SYNE1: variants seen among roughly 807,000 people sequenced by gnomAD.
SYNE1 encodes the protein nesprin-1.
Under a neutral mutation model 1,111.0 loss-of-function variants are expected in SYNE1, and 616 were observed. The observed-to-expected ratio is 0.55, with a 90% confidence interval of 0.52 to 0.59. SYNE1 has a LOEUF of 0.59. Ranked by LOEUF, SYNE1 falls within the 20% of genes least tolerant of loss-of-function variation. SYNE1 has a pLI of 0.00. For synonymous variants in SYNE1, 3,855 were observed against 3,825.8 expected (o/e 1.01, Z -0.28); for missense variants, 10,006 against 10,417.0 (o/e 0.96, Z 1.72).
At chr6:152,583,397 A>T (rs1473112727) in intron 3 of SYNE1, among the ~76,000 whole-genome samples, 3 of 152,168 alleles carry the variant, frequency 2.0e-5, no homozygotes, top group South Asian at 2.1e-4. Context: ...GGGCATCATT[A>T]CCTCACTGTA....
At chr6:152,520,702 G>A (rs377700612) in intron 5 of SYNE1, among the ~76,000 whole-genome samples, 160 bp from the exon 6 acceptor site, 149 of 152,290 alleles carry the variant, frequency 9.8e-4, no homozygotes, top group African/African-American at 3.4e-3. Flanking sequence ...ATAAAGGGGT[G>A]TTCCCCATGG....
chr6:152,525,765 A>G (rs2099160753), intron 5 of SYNE1, among the ~76,000 whole-genome samples: 1 of 152,222 alleles, frequency 6.6e-6, no homozygotes, highest in Admixed American at 6.5e-5. Flanking sequence ...GTAATTTGCA[A>G]CTAATCTTCT....
At chr6:152,219,356 A>T (rs1008196278) in intron 119 of SYNE1, among the ~76,000 whole-genome samples, 171 bp from the exon 120 acceptor site, 10 of 152,216 alleles carry the variant, frequency 6.6e-5, no homozygotes, top group Non-Finnish European at 1.5e-4. Flanking sequence ...CCCATTTTTT[A>T]AAATGCTATG....
chr6:152,632,015 C>G (rs1428337373), intron 2 of SYNE1, among the ~76,000 whole-genome samples: 1 of 152,086 alleles, frequency 6.6e-6, no homozygotes, highest in Non-Finnish European at 1.5e-5. Flanking sequence ...CTAAACACAC[C>G]AACCAACACT....
In SYNE1 at chr6:152,399,694, T is replaced by C. The variant is rs767455019; in HGVS notation, c.7159A>G (p.Lys2387Glu). 1 of 1,614,170 alleles carries C rather than the reference T, an allele frequency of 6.2e-7. No individual in the cohort carries two copies. The highest frequency in any genetic ancestry group is 8.5e-7 in the Non-Finnish European group (1 of 1,180,024). The stretch of plus-strand genomic sequence containing the variant: ...AACTGGCTCACGGCTTCATGTTTCT[T>C]TATCAGACCAGTCATTGCACGGCCC... ...SLGRAMTGLI[K>E]KHEAVSQLCS... The change falls in exon 48 of 146, where the codon AAG becomes GAG. Residue 2387 changes from lysine (K) to glutamate (E), a missense_variant. Lys to Glu is a moderately conservative substitution (Grantham distance 56). Around this residue, in one of 7 missense-constraint regions of SYNE1, gnomAD observed 4,955 missense variants for 5,017.2 expected, o/e 0.99. Coordinates refer to ENST00000367255, the MANE Select transcript of SYNE1 (RefSeq NM_182961.4).
At position 152,239,684 on chromosome 6, in the gene SYNE1, G is replaced by C; in HGVS notation, c.19916C>G (p.Ser6639Cys). 6.2e-7 allele frequency: 1 copy of C among 1,614,198 alleles called. No individual in the cohort carries two copies. The highest frequency in any genetic ancestry group is 8.5e-7 in the Non-Finnish European group (1 of 1,180,032). Residue 6639 changes from serine to cysteine, a missense_variant, in exon 108 of 146, where the codon TCT (serine) becomes TGT (cysteine). Coordinates refer to ENST00000367255, the MANE Select transcript of SYNE1 (RefSeq NM_182961.4). Reference sequence around the variant, plus strand: ...GAGTGTTTCAGTCAAGATCATATGAGATTCCAGGCCCTGAAAGTATTCCTG... The same window carrying C: ...GAGTGTTTCAGTCAAGATCATATGACATTCCAGGCCCTGAAAGTATTCCTG... Reference protein sequence around the residue: ...KHKEYFQGLESHMILTETLFR... With the variant: ...KHKEYFQGLECHMILTETLFR...
intron 75 of SYNE1, among the ~76,000 whole-genome samples, chr6:152,337,425 G>A (rs1313880011): frequency 6.6e-6 from 1 of 152,144 alleles, no homozygotes; most frequent in African/African-American, 2.4e-5. Flanking sequence ...GAGTAGCTGG[G>A]ATTACAGGCT....
At chr6:152,270,959 G>A (rs1482860304) in intron 98 of SYNE1, among the ~76,000 whole-genome samples, 1 of 152,216 alleles carries the variant, frequency 6.6e-6, no homozygotes, top group Non-Finnish European at 1.5e-5. Context: ...AGAGAACAGA[G>A]CAGTGAAGAG....
intron 23 of SYNE1, 125 bp from the exon 24 acceptor site, chr6:152,455,715 T>C: frequency 7.0e-7 from 1 of 1,418,824 alleles, no homozygotes; most frequent in Non-Finnish European, 9.8e-7. Flanking sequence ...ATGGGAATAA[T>C]TAACTCTTTT....
At chr6:152,350,460 T>C (rs1168996912) in intron 71 of SYNE1, 125 bp from the exon 72 acceptor site, 6 of 1,493,314 alleles carry the variant, frequency 4.0e-6, no homozygotes, top group Non-Finnish European at 5.6e-6. Flanking sequence ...CTACCAGGAA[T>C]GGAAAACAAC....
At chr6:152,206,967 T>A (rs751852572) in intron 125 of SYNE1, among the ~76,000 whole-genome samples, 18 of 152,186 alleles carry the variant, frequency 1.2e-4, no homozygotes, top group Non-Finnish European at 2.2e-4. Flanking sequence ...AGAATATTGA[T>A]GTTGGGATTA....
chr6:152,247,856 A>T (rs1156846557), intron 105 of SYNE1, among the ~76,000 whole-genome samples: 7 of 17,886 alleles, frequency 3.9e-4, no homozygotes, highest in African/African-American at 1.8e-3. Context: ...GTGTTCTTTA[A>T]CACACACACA....
At chr6:152,224,215 T>C (rs1167920559) in intron 117 of SYNE1, among the ~76,000 whole-genome samples, 1 of 152,194 alleles carries the variant, frequency 6.6e-6, no homozygotes. Flanking sequence ...GGAGGTTCAG[T>C]TGGGCATAAA....
chr6:152,249,334 G>C, intron 104 of SYNE1, 72 bp from the exon 105 acceptor site: 1 of 887,216 alleles, frequency 1.1e-6, no homozygotes, highest in African/African-American at 1.6e-5. Flanking sequence ...ATATAACACA[G>C]ATTCTAAGAA....
intron 126 of SYNE1, among the ~76,000 whole-genome samples, chr6:152,205,504 T>C (rs557584710): frequency 1.3e-5 from 2 of 152,354 alleles, no homozygotes; most frequent in South Asian, 2.1e-4. Flanking sequence ...TGGTTTACCA[T>C]GATTTTAACT....
Position 152,537,921 on chromosome 6 carries a change from T to C in SYNE1, c.129+2039A>G, listed in dbSNP as rs142764506. On this transcript the variant is annotated intron_variant, in intron 4 of 145. Transcript: ENST00000367255. Reference sequence around the variant, plus strand: ...CTATTATTAAAGCTATATTTGGAAATGGTAAATTTAACTCATAAACGGTTT... The same window carrying C: ...CTATTATTAAAGCTATATTTGGAAACGGTAAATTTAACTCATAAACGGTTT... 2.4e-3 allele frequency among the ~76,000 whole-genome samples: 372 copies of C among 152,272 alleles called. 4 individuals carry two copies. The highest frequency in any genetic ancestry group is 0.02 in the South Asian group (98 of 4,832).
Position 152,218,288 on chromosome 6 carries a change from G to A in SYNE1, c.22160C>T (p.Ser7387Phe), listed in dbSNP as rs1055167945. Residue 7387 changes from serine (S) to phenylalanine (F), a missense_variant, in exon 121 of 146, where the codon TCC becomes TTC. Physicochemically the swap from Ser to Phe is radical, Grantham distance 155 (BLOSUM62 -2). Transcript: ENST00000367255. ...GQDPSHSSDL[S>F]TIQERMEELK... ...TTCTTCCATCCTTTCCTGGATTGTGGAGAGGTCAGATGAGTGGCTAGGGTC... is the reference window on the plus strand; with the variant it reads ...TTCTTCCATCCTTTCCTGGATTGTGAAGAGGTCAGATGAGTGGCTAGGGTC... The A allele has an allele frequency of 6.2e-7, 1 of 1,614,102 alleles. No homozygotes were observed. The highest frequency in any genetic ancestry group is 8.5e-7 in the Non-Finnish European group (1 of 1,180,006).
chr6:152,279,265 TA>T (rs1373066937), intron 97 of SYNE1, among the ~76,000 whole-genome samples: 262 of 132,924 alleles, frequency 2.0e-3, no homozygotes, highest in African/African-American at 6.0e-3. Flanking sequence ...CAAAAAAGAC[TA>T]AAAAAAAAAA....
At position 152,425,560 on chromosome 6, in the gene SYNE1, A is replaced by T. The variant is rs1363217424; in HGVS notation, c.5101-13T>A. On this transcript the variant is annotated splice_polypyrimidine_tract_variant and intron_variant, in intron 38 of 145. Coordinates refer to ENST00000367255, the MANE Select transcript of SYNE1 (RefSeq NM_182961.4). ...CATTTTGCAGTGCCTGAAAAATACA[A>T]GACATTACGGATCTCATCCTAACAG... 6.2e-7 allele frequency: 1 copy of T among 1,614,080 alleles called. No individual in the cohort carries two copies. Among genetic ancestry groups the T allele is most frequent in the Non-Finnish European group, 8.5e-7 (1 of 1,179,982 alleles).
Sources: gnomAD v4.1 joint callset for allele counts (sites outside exome capture counted in the v4.1 genomes callset) on GRCh38, gnomAD v4.1.1 for gene constraint, gnomAD v4.1.1 regional missense constraint, MANE v1.5 for transcripts, NCBI Gene and HGNC (gene_info 2026-07-23, HGNC 2026-07-21) for gene names.